The following SUMF1 variants were observed in gnomAD, a reference collection of about 807,000 sequenced individuals.
SUMF1 encodes formylglycine-generating enzyme.
A neutral mutation model predicts 47.6 loss-of-function variants in SUMF1; 48 were observed. The observed-to-expected ratio is 1.01, with a 90% confidence interval of 0.80 to 1.28. The LOEUF (loss-of-function observed/expected upper bound fraction) is 1.28. Among genes scored for constraint, SUMF1 ranks in the 50% most tolerant of loss-of-function variants. SUMF1 has a pLI of 0.00. For missense variants in SUMF1, 571 were observed against 485.4 expected (o/e 1.18, Z -1.66); for synonymous variants, 230 against 192.1 (o/e 1.20, Z -1.63).
intron 7 of SUMF1, among the ~76,000 whole-genome samples, chr3:4,389,138 A>G (rs1700768754): frequency 6.6e-6 from 1 of 152,072 alleles, no homozygotes; most frequent in Non-Finnish European, 1.5e-5. Flanking sequence ...TCCTTTTAGG[A>G]TAGGCTGGCT....
At chr3:4,096,521 A>C (rs991520359) in intron 8 of SUMF1, among the ~76,000 whole-genome samples, 1 of 152,110 alleles carries the variant, frequency 6.6e-6, no homozygotes, top group African/African-American at 2.4e-5. Flanking sequence ...CAGCCTATGG[A>C]CTCAGACTTC....
chr3:4,433,200 T>A (rs1424949231), intron 3 of SUMF1, among the ~76,000 whole-genome samples: 2 of 152,172 alleles, frequency 1.3e-5, no homozygotes, highest in African/African-American at 2.4e-5. Flanking sequence ...GCAGGGAACA[T>A]CAGAATCATT....
At chr3:4,430,575 A>C (rs1286771110) in intron 3 of SUMF1, among the ~76,000 whole-genome samples, 1 of 152,154 alleles carries the variant, frequency 6.6e-6, no homozygotes, top group Non-Finnish European at 1.5e-5. Context: ...GAATCTATAG[A>C]ATAGGTTCAT....
At position 4,206,750 on chromosome 3, in the gene SUMF1, G is replaced by T. The variant is rs146855215; in HGVS notation, c.1015-138005C>A. ...CAAGTTTGGTGACTGAACAACTATT[G>T]TGGGGGAATAATTACTGGAGGGTTC... On this transcript the variant is annotated intron_variant and NMD_transcript_variant, in intron 8 of 12. Transcript: ENST00000448413. 6.8e-3 allele frequency among the ~76,000 whole-genome samples: 1,027 copies of T among 152,072 alleles called. 11 individuals carry two copies. The highest frequency in any genetic ancestry group is 0.023 in the African/African-American group (972 of 41,498).
At chr3:4,084,954 A>G (rs1359487673) in intron 8 of SUMF1, among the ~76,000 whole-genome samples, 1 of 152,054 alleles carries the variant, frequency 6.6e-6, no homozygotes, top group Non-Finnish European at 1.5e-5. Flanking sequence ...TCCAGTGACT[A>G]CAAGTCAATG....
intron 1 of SUMF1, among the ~76,000 whole-genome samples, chr3:4,456,450 CTTTG>C (rs1329219592): frequency 7.9e-6 from 1 of 127,012 alleles, no homozygotes; most frequent in Non-Finnish European, 1.7e-5. Flanking sequence ...CCATGTTTTT[CTTTG>C]TTTTTTTTTT....
chr3:4,358,879 C>T (rs1474690025), downstream of SUMF1, among the ~76,000 whole-genome samples: 1 of 152,120 alleles, frequency 6.6e-6, no homozygotes, highest in Non-Finnish European at 1.5e-5. Flanking sequence ...AAAGAAGGTG[C>T]CTCAAAACTT....
intron 8 of SUMF1, among the ~76,000 whole-genome samples, chr3:4,110,519 T>C (rs963350891): frequency 6.6e-6 from 1 of 152,098 alleles, no homozygotes; most frequent in African/African-American, 2.4e-5. Context: ...TTATAAATCA[T>C]GCTGCTATAA....
chr3:4,087,433 G>A (rs541987618), intron 8 of SUMF1, among the ~76,000 whole-genome samples: 1 of 152,104 alleles, frequency 6.6e-6, no homozygotes. Flanking sequence ...AACTTGCTGA[G>A]GGTCACCTAA....
At chr3:4,447,077 C>A (rs960942602) in intron 3 of SUMF1, among the ~76,000 whole-genome samples, 73 of 152,136 alleles carry the variant, frequency 4.8e-4, no homozygotes, top group African/African-American at 1.4e-3. Context: ...CAGAAAAATT[C>A]TAATTCTGGA....
chr3:4,213,185 G>A (rs751339800), intron 8 of SUMF1, among the ~76,000 whole-genome samples: 1 of 152,136 alleles, frequency 6.6e-6, no homozygotes, highest in African/African-American at 2.4e-5. Flanking sequence ...ACACACAAAG[G>A]AGAGCCCATC....
At chr3:4,133,251 T>G (rs572349769) in intron 8 of SUMF1, among the ~76,000 whole-genome samples, 1 of 152,184 alleles carries the variant, frequency 6.6e-6, no homozygotes, top group Admixed American at 6.5e-5. Context: ...CATTTAAGAA[T>G]TGTTAACTTT....
intron 8 of SUMF1, among the ~76,000 whole-genome samples, chr3:4,248,637 C>T (rs1696723134): frequency 6.6e-6 from 1 of 152,156 alleles, no homozygotes; most frequent in Non-Finnish European, 1.5e-5. Context: ...AGAAACATCC[C>T]ACCCCTCAGC....
chr3:4,396,881 T>TA (rs1430709633), intron 7 of SUMF1, among the ~76,000 whole-genome samples: 1 of 152,248 alleles, frequency 6.6e-6, no homozygotes, highest in African/African-American at 2.4e-5. Context: ...AAGCATGAAT[T>TA]ATTATAGCTG....
intron 8 of SUMF1, among the ~76,000 whole-genome samples, chr3:4,158,792 A>T (rs1450338925): frequency 6.6e-6 from 1 of 151,612 alleles, no homozygotes; most frequent in Non-Finnish European, 1.5e-5. Context: ...TGATATAAGC[A>T]TAGGTACTTC....
intron 8 of SUMF1, among the ~76,000 whole-genome samples, chr3:4,293,692 A>T (rs1036716282): frequency 1.3e-5 from 2 of 152,216 alleles, no homozygotes; most frequent in Non-Finnish European, 2.9e-5. Flanking sequence ...AGGCTGTAAG[A>T]CTAGCATATT....
chr3:4,268,784 A>G (rs1697248914), intron 8 of SUMF1, among the ~76,000 whole-genome samples: 1 of 151,462 alleles, frequency 6.6e-6, no homozygotes, highest in Non-Finnish European at 1.5e-5. Context: ...CTACTCAACC[A>G]CTCTCCACTT....
intron 8 of SUMF1, among the ~76,000 whole-genome samples, chr3:4,348,486 T>C (rs772974958): frequency 1.3e-4 from 20 of 152,134 alleles, no homozygotes; most frequent in Non-Finnish European, 2.8e-4. Context: ...TGCAGAAAAC[T>C]GAAAGTGGAC....
chr3:4,397,895 T>C (rs1427902016), intron 7 of SUMF1, among the ~76,000 whole-genome samples: 1 of 152,166 alleles, frequency 6.6e-6, no homozygotes, highest in African/African-American at 2.4e-5. Context: ...ATACTCATAA[T>C]TAACATATAT....
Sources: gnomAD v4.1 joint callset for allele counts (sites outside exome capture counted in the v4.1 genomes callset) on GRCh38, gnomAD v4.1.1 for gene constraint, MANE v1.5 for transcripts, NCBI Gene and HGNC (gene_info 2026-07-23, HGNC 2026-07-21) for gene names.